NCK2: variants seen among roughly 807,000 people sequenced by gnomAD.
NCK2 encodes cytoplasmic protein NCK2.
A neutral mutation model predicts 33.9 loss-of-function variants in NCK2; 16 were observed. That is an observed-to-expected ratio of 0.47 (90% CI 0.32 to 0.72). The LOEUF is 0.72. Ranked by LOEUF, NCK2 falls within the 30% of genes least tolerant of loss-of-function variation. NCK2 has a pLI of 0.03. For synonymous variants in NCK2, 273 were observed against 239.9 expected (o/e 1.14, Z -1.27); for missense variants, 418 against 537.3 (o/e 0.78, Z 2.19).
chr2:105,865,286 A>G (rs1188630142), intron 3 of NCK2, among the ~76,000 whole-genome samples: 2 of 152,168 alleles, frequency 1.3e-5, no homozygotes, highest in Non-Finnish European at 2.9e-5. Flanking sequence ...CAGTAAGCCT[A>G]CTAGGGAAAT....
At chr2:105,759,810 A>C (rs1236911126) in intron 1 of NCK2, among the ~76,000 whole-genome samples, 1 of 152,142 alleles carries the variant, frequency 6.6e-6, no homozygotes, top group Non-Finnish European at 1.5e-5. Context: ...TGAGGAGCAA[A>C]ACTGCTTTTC....
In NCK2 at chr2:105,882,079, G is replaced by A. The variant is rs772595934; in HGVS notation, c.948+30G>A. ...GTGCGCTGCGCCCACAGCTCCGGCT[G>A]CAGGCAGTAAATGCGCCTTGCGCGG... is the stretch of plus-strand genomic sequence containing the variant. On this transcript the variant is annotated intron_variant, in intron 4 of 4. Coordinates refer to ENST00000233154, the MANE Select transcript of NCK2 (RefSeq NM_003581.5). 4 of 1,480,378 alleles carry A rather than the reference G, an allele frequency of 2.7e-6. No homozygotes were observed. In the South Asian group the frequency reaches 5.9e-5, roughly 22 times the overall value. 91.7% of individuals were successfully genotyped at this position (1,480,378 alleles called of 1,614,324 possible).
intron 1 of NCK2, among the ~76,000 whole-genome samples, chr2:105,810,828 A>G (rs1304532611): frequency 1.3e-5 from 2 of 152,134 alleles, no homozygotes; most frequent in Non-Finnish European, 2.9e-5. Context: ...TCGAATTCCT[A>G]TATGTTAGAA....
intron 2 of NCK2, among the ~76,000 whole-genome samples, chr2:105,822,695 C>T (rs1294329146): frequency 6.6e-6 from 1 of 152,008 alleles, no homozygotes; most frequent in Non-Finnish European, 1.5e-5. Context: ...CTGTACCCCT[C>T]GACCTTCTTT....
chr2:105,762,269 G>A (rs1277351534), intron 1 of NCK2, among the ~76,000 whole-genome samples: 1 of 152,188 alleles, frequency 6.6e-6, no homozygotes, highest in African/African-American at 2.4e-5. Flanking sequence ...GAGGAAACAG[G>A]CAGCTAATGG....
chr2:105,889,161 A>G (rs1678854563), intron 4 of NCK2, among the ~76,000 whole-genome samples: 2 of 152,208 alleles, frequency 1.3e-5, no homozygotes. Flanking sequence ...GAGTAACTCC[A>G]TCTCCATCAG....
intron 1 of NCK2, among the ~76,000 whole-genome samples, chr2:105,788,374 AGAT>A (rs1323387692): frequency 1.3e-5 from 2 of 152,182 alleles, no homozygotes; most frequent in African/African-American, 4.8e-5. Flanking sequence ...AACGCCATTT[AGAT>A]GATGATGTTT....
intron 1 of NCK2, among the ~76,000 whole-genome samples, chr2:105,763,980 T>C (rs1359318229): frequency 6.6e-6 from 1 of 152,224 alleles, no homozygotes; most frequent in African/African-American, 2.4e-5. Flanking sequence ...TATTGAGCAC[T>C]TAACGTGGCT....
intron 2 of NCK2, among the ~76,000 whole-genome samples, chr2:105,838,205 T>C (rs778929842): frequency 2.6e-5 from 4 of 152,144 alleles, no homozygotes; most frequent in Non-Finnish European, 4.4e-5. Flanking sequence ...GAAAGGGCTA[T>C]ATGCATTTTG....
intron 3 of NCK2, among the ~76,000 whole-genome samples, chr2:105,879,360 A>G (rs1678370708): frequency 6.6e-6 from 1 of 152,192 alleles, no homozygotes; most frequent in South Asian, 2.1e-4. Context: ...GTTTGCTTTC[A>G]TGGATGGCCT....
intron 1 of NCK2, among the ~76,000 whole-genome samples, chr2:105,776,253 A>T (rs960695961): frequency 6.6e-6 from 1 of 152,264 alleles, no homozygotes; most frequent in African/African-American, 2.4e-5. Context: ...GAAACCGTAC[A>T]TCCTGGGTTT....
intron 1 of NCK2, among the ~76,000 whole-genome samples, chr2:105,790,420 T>G (rs1690839212): frequency 2.0e-5 from 3 of 152,206 alleles, no homozygotes. Context: ...ACTCTATGCC[T>G]GGGCAGCAGG....
intron 3 of NCK2, among the ~76,000 whole-genome samples, chr2:105,874,207 C>T (rs2104639331): frequency 6.6e-6 from 1 of 152,268 alleles, no homozygotes; most frequent in Admixed American, 6.5e-5. Context: ...GCCCTTCGTA[C>T]TCTGAATAGT....
intron 2 of NCK2, among the ~76,000 whole-genome samples, chr2:105,824,888 G>A (rs532360545): frequency 2.0e-5 from 3 of 152,334 alleles, no homozygotes; most frequent in African/African-American, 7.2e-5. Flanking sequence ...TGGGACACCA[G>A]TGTCACCCTC....
At chr2:105,860,541 A>G (rs1382040841) in intron 3 of NCK2, among the ~76,000 whole-genome samples, 1 of 152,050 alleles carries the variant, frequency 6.6e-6, no homozygotes, top group Non-Finnish European at 1.5e-5. Context: ...GGCATGGAGG[A>G]TGAGCGAGCA....
Position 105,816,562 on chromosome 2 carries a change from C to T in NCK2, c.-68C>T, listed in dbSNP as rs946454523. On this transcript the variant is annotated 5_prime_UTR_variant, in exon 2 of 5. Transcript: ENST00000233154. Reference sequence around the variant, plus strand: ...AGGTGTAATTAGCTGAAAACATCATCGTTTTGAAGAGTTCTGCGTTTTGCC... The same window carrying T: ...AGGTGTAATTAGCTGAAAACATCATTGTTTTGAAGAGTTCTGCGTTTTGCC... 1 of 152,212 alleles carries T rather than the reference C, an allele frequency of 6.6e-6. No homozygotes were observed. The highest frequency in any genetic ancestry group is 1.5e-5 in the Non-Finnish European group (1 of 68,036). 9.4% of individuals were successfully genotyped at this position (152,212 alleles called of 1,614,324 possible). A position where few individuals can be genotyped will look rare whatever the true frequency, so the allele number is the denominator to read the frequency against.
chr2:105,795,993 C>T (rs1691070997), intron 1 of NCK2, among the ~76,000 whole-genome samples: 1 of 152,154 alleles, frequency 6.6e-6, no homozygotes, highest in Non-Finnish European at 1.5e-5. Flanking sequence ...AAGAGCAAAA[C>T]AGTTTAGCAT....
chr2:105,784,347 C>T (rs145573371), intron 1 of NCK2, among the ~76,000 whole-genome samples: 22 of 152,322 alleles, frequency 1.4e-4, no homozygotes, highest in Middle Eastern at 3.4e-3. Context: ...ACCTGCTGAT[C>T]GGACTCCTTG....
At chr2:105,839,610 T>G (rs1676560324) in intron 2 of NCK2, among the ~76,000 whole-genome samples, 1 of 152,162 alleles carries the variant, frequency 6.6e-6, no homozygotes, top group Admixed American at 6.5e-5. Flanking sequence ...TTCCTTTTGT[T>G]TTTCATGGGG....
Sources: allele counts gnomAD v4.1 joint callset (sites outside exome capture counted in the v4.1 genomes callset), GRCh38; gene constraint gnomAD v4.1.1; transcripts MANE v1.5; gene names NCBI Gene and HGNC (gene_info 2026-07-23, HGNC 2026-07-21).